DLG1: variants seen among roughly 807,000 people sequenced by gnomAD.
DLG1 encodes disks large homolog 1.
DLG1 carries 42 observed loss-of-function variants against 123.4 expected under a neutral mutation model. The ratio of observed to expected loss-of-function variants is 0.34; its 90% confidence interval spans 0.27 to 0.44. DLG1 has a LOEUF of 0.44. DLG1 is among the 20% of genes least tolerant of loss of function. The pLI is 1.00. For missense variants in DLG1, 942 were observed against 1,082.6 expected (o/e 0.87, Z 1.82); for synonymous variants, 317 against 356.2 (o/e 0.89, Z 1.24).
intron 11 of DLG1, among the ~76,000 whole-genome samples, chr3:197,124,573 C>T (rs867408135): frequency 6.6e-6 from 1 of 151,896 alleles, no homozygotes; most frequent in African/African-American, 2.4e-5. Flanking sequence ...CGTGCCTGGT[C>T]TCTTTTTTAA....
intron 2 of DLG1, chr3:197,296,935 G>A (rs910074113): frequency 2.0e-6 from 1 of 503,280 alleles, no homozygotes; most frequent in African/African-American, 2.0e-5. Flanking sequence ...CCAATTCAGG[G>A]TTATTAAGGA....
chr3:197,153,077 AC>A (rs1258135415), intron 5 of DLG1, among the ~76,000 whole-genome samples: 4 of 152,118 alleles, frequency 2.6e-5, no homozygotes, highest in African/African-American at 9.7e-5. Flanking sequence ...TTTCTCCTCT[AC>A]TCAATTATGA....
chr3:197,116,961 A>G (rs767137732), intron 12 of DLG1, among the ~76,000 whole-genome samples: 1 of 152,216 alleles, frequency 6.6e-6, no homozygotes, highest in East Asian at 1.9e-4. Flanking sequence ...ATGCTTTAAA[A>G]TATGTATGAA....
chr3:197,251,460 A>G (rs1204991147), intron 4 of DLG1, among the ~76,000 whole-genome samples: 1 of 152,202 alleles, frequency 6.6e-6, no homozygotes, highest in Non-Finnish European at 1.5e-5. Context: ...CAGAAAAGAA[A>G]AAAGAATCCA....
chr3:197,144,141 C>G (rs975542759), intron 6 of DLG1, among the ~76,000 whole-genome samples: 2 of 152,206 alleles, frequency 1.3e-5, no homozygotes, highest in African/African-American at 4.8e-5. Context: ...GAGTCTCTTT[C>G]CTCTTCAATT....
rs1168958084 is a variant in DLG1 at position 197,180,070 on chromosome 3, G to T, written c.483+14355C>A. 1.1e-3 allele frequency among the ~76,000 whole-genome samples: 60 copies of T among 56,524 alleles called. 1 individual carries two copies. Among genetic ancestry groups the T allele is most frequent in the African/African-American group, 2.5e-3 (25 of 9,924 alleles). The allele number at this position is 56,524 out of a possible 152,430, so 37.1% of individuals were successfully genotyped here. ...TTGGCATGTTGTGTTTTTTTTTTGG[G>T]GGGGGGGGGGCTTTTTGAGTATTTA... is the stretch of plus-strand genomic sequence containing the variant. On this transcript the variant is annotated intron_variant, in intron 5 of 24. Coordinates refer to ENST00000667157, the MANE Select transcript of DLG1 (RefSeq NM_001366207.1).
intron 3 of DLG1, chr3:197,294,051 T>C (rs1207409841): frequency 6.6e-6 from 1 of 152,024 alleles, no homozygotes; most frequent in African/African-American, 2.4e-5. Context: ...AATGGTAGAG[T>C]TGCAAAATAC....
intron 23 of DLG1, among the ~76,000 whole-genome samples, chr3:197,058,479 CTTT>C (rs1303840194): frequency 6.6e-6 from 1 of 152,186 alleles, no homozygotes; most frequent in Non-Finnish European, 1.5e-5. Flanking sequence ...GTGATTTCTT[CTTT>C]GACTCACTCA....
At chr3:197,116,620 TC>T (rs1385093091) in intron 12 of DLG1, among the ~76,000 whole-genome samples, 4 of 152,198 alleles carry the variant, frequency 2.6e-5, no homozygotes, top group Non-Finnish European at 4.4e-5. Context: ...ATTGTCATTT[TC>T]TAGAGACAGA....
intron 4 of DLG1, among the ~76,000 whole-genome samples, chr3:197,256,939 T>C (rs1426409307): frequency 6.6e-6 from 1 of 152,200 alleles, no homozygotes; most frequent in Admixed American, 6.5e-5. Flanking sequence ...TTTAACATAA[T>C]TATACTTCAA....
intron 15 of DLG1, among the ~76,000 whole-genome samples, chr3:197,086,298 A>T (rs1754305858): frequency 6.6e-6 from 1 of 152,240 alleles, no homozygotes; most frequent in African/African-American, 2.4e-5. Flanking sequence ...TGACTTTAAC[A>T]GCTGCCAAAT....
At chr3:197,279,286 G>A (rs1424816106) in intron 4 of DLG1, among the ~76,000 whole-genome samples, 1 of 152,160 alleles carries the variant, frequency 6.6e-6, no homozygotes. Flanking sequence ...TCATCCATCA[G>A]TGTGTTTCAA....
At chr3:197,154,287 G>A (rs1347992874) in intron 5 of DLG1, among the ~76,000 whole-genome samples, 1 of 151,960 alleles carries the variant, frequency 6.6e-6, no homozygotes, top group African/African-American at 2.4e-5. Context: ...GGGCAACAGA[G>A]CAAGACTCTG....
At chr3:197,098,543 G>A (rs530307560) in intron 14 of DLG1, among the ~76,000 whole-genome samples, 1 of 152,114 alleles carries the variant, frequency 6.6e-6, no homozygotes, top group Non-Finnish European at 1.5e-5. Flanking sequence ...TTTGCTTAGA[G>A]TCTTCCCACC....
At chr3:197,283,095 C>T (rs1372651292) in intron 3 of DLG1, among the ~76,000 whole-genome samples, 1 of 152,190 alleles carries the variant, frequency 6.6e-6, no homozygotes, top group Admixed American at 6.5e-5. Context: ...CAAATCCCAA[C>T]TCCATCACCA....
intron 5 of DLG1, among the ~76,000 whole-genome samples, chr3:197,156,691 A>G (rs12492992): frequency 0.042 from 6,453 of 152,308 alleles, 217 homozygotes; most frequent in South Asian, 0.12. Context: ...TAAATAAAAA[A>G]AAGGTTATGA....
chr3:197,291,322 C>CACAT (rs1774810033), intron 3 of DLG1, among the ~76,000 whole-genome samples: 1 of 151,784 alleles, frequency 6.6e-6, no homozygotes, highest in Admixed American at 6.6e-5. Flanking sequence ...CACACACACA[C>CACAT]ACACACACAC....
At chr3:197,297,041 T>C (rs1777771214) in intron 2 of DLG1, 145 bp downstream of exon 2, 1 of 835,868 alleles carries the variant, frequency 1.2e-6, no homozygotes, top group Non-Finnish European at 1.9e-6. Flanking sequence ...TCTGAAATGA[T>C]ATGAGGCTTA....
chr3:197,079,705 T>C (rs913656493), intron 17 of DLG1, among the ~76,000 whole-genome samples: 2 of 152,200 alleles, frequency 1.3e-5, no homozygotes, highest in African/African-American at 4.8e-5. Flanking sequence ...CTGGGATTTT[T>C]CCTCTAATAC....
Sources: gnomAD v4.1 joint callset for allele counts (sites outside exome capture counted in the v4.1 genomes callset) on GRCh38, gnomAD v4.1.1 for gene constraint, MANE v1.5 for transcripts, NCBI Gene and HGNC (gene_info 2026-07-23, HGNC 2026-07-21) for gene names.